Variants in RSPH14 observed in about 807,000 individuals in gnomAD.
RSPH14 encodes the protein rhabdoid tumor deletion region gene 1.
RSPH14 carries 20 observed loss-of-function variants against 26.7 expected under a neutral mutation model. The observed-to-expected ratio is 0.75, with a 90% CI of 0.53 to 1.09. RSPH14 has a LOEUF of 1.09. Ranked by LOEUF, RSPH14 falls within the 50% of genes least tolerant of loss-of-function variation. The pLI, the probability that RSPH14 is intolerant of heterozygous loss-of-function variation, is 0.00. For synonymous variants in RSPH14, 177 were observed against 189.3 expected (o/e 0.93, Z 0.53); for missense variants, 449 against 457.2 (o/e 0.98, Z 0.16).
At chr22:23,179,962 T>C in the RSPH14 span, 3 of 305,254 alleles carry the variant, frequency 9.8e-6, no homozygotes, top group Non-Finnish European at 1.8e-5. Context: ...GGGCCAGATC[T>C]GCCTGGTCTT....
upstream of RSPH14, among the ~76,000 whole-genome samples, chr22:23,143,909 G>A (rs2070651985): frequency 6.6e-6 from 1 of 151,948 alleles, no homozygotes; most frequent in South Asian, 2.1e-4. Flanking sequence ...TGGCACACAT[G>A]GCAAAACCCC....
At chr22:23,145,299 T>C, upstream of RSPH14, 1 of 1,234,696 alleles carries the variant, frequency 8.1e-7, no homozygotes, top group Non-Finnish European at 1.1e-6. Flanking sequence ...GATCTCCGGC[T>C]CTCCAGGGTG....
the RSPH14 span, chr22:23,162,956 G>T: frequency 1.9e-4 from 65 of 338,918 alleles, no homozygotes; most frequent in East Asian, 4.1e-3. Context: ...TTGTTGCCCA[G>T]GCTGGAGTGC....
rs773581427 is a variant in RSPH14 at position 23,123,205 on chromosome 22, G to A, written c.421+10821C>T. 6.8e-6 allele frequency: 11 copies of A among 1,613,700 alleles called. No individual in the cohort carries two copies. Among genetic ancestry groups the A allele is most frequent in the African/African-American group, 1.3e-5 (1 of 74,900 alleles). On this transcript the variant is annotated intron_variant, in intron 4 of 6. Coordinates refer to ENST00000216036, the MANE Select transcript of RSPH14 (RefSeq NM_014433.3). Reference sequence around the variant, plus strand: ...GACCTGCTGGCAGAGAAGATCCGCCGCATCCCGCTCACCATCTGCTTTCCC... The same window carrying A: ...GACCTGCTGGCAGAGAAGATCCGCCACATCCCGCTCACCATCTGCTTTCCC...
chr22:23,110,828 G>A (rs1278325326), intron 4 of RSPH14, among the ~76,000 whole-genome samples: 1 of 152,214 alleles, frequency 6.6e-6, no homozygotes, highest in Admixed American at 6.5e-5. Flanking sequence ...AGAGCTCAGT[G>A]TTGGGAAGGA....
At chr22:23,098,843 G>A (rs1430210779) in intron 4 of RSPH14, among the ~76,000 whole-genome samples, 1 of 152,252 alleles carries the variant, frequency 6.6e-6, no homozygotes, top group Non-Finnish European at 1.5e-5. Flanking sequence ...CGGCAGTGAG[G>A]ACAGCCCGTC....
At chr22:23,145,498 G>A (rs762084039), upstream of RSPH14, 36 of 1,606,818 alleles carry the variant, frequency 2.2e-5, 1 homozygote, top group East Asian at 2.7e-4. Context: ...GATCGCCGCC[G>A]CTGGCTCAGG....
At chr22:23,102,481 G>A (rs1371195941) in intron 4 of RSPH14, among the ~76,000 whole-genome samples, 2 of 152,234 alleles carry the variant, frequency 1.3e-5, no homozygotes, top group Non-Finnish European at 2.9e-5. Flanking sequence ...GCTTCCAAGG[G>A]TGGGGCCATT....
chr22:23,060,893 C>G (rs111826289), intron 6 of RSPH14, among the ~76,000 whole-genome samples: 7,358 of 152,190 alleles, frequency 0.048, 647 homozygotes, highest in African/African-American at 0.17. Flanking sequence ...GTCTCGAGCC[C>G]CGTGGCCCTC....
chr22:23,156,128 A>C, the RSPH14 span: 1 of 1,132,888 alleles, frequency 8.8e-7, no homozygotes, highest in Non-Finnish European at 1.3e-6. Flanking sequence ...CACAGGCACC[A>C]GTTTTTTGTC....
the RSPH14 span, among the ~76,000 whole-genome samples, chr22:23,176,324 A>G: frequency 6.6e-6 from 1 of 152,136 alleles, no homozygotes; most frequent in Non-Finnish European, 1.5e-5. Context: ...TCCTTCTAGC[A>G]CTCTCATTAT....
At chr22:23,157,104 A>G in the RSPH14 span, among the ~76,000 whole-genome samples, 1 of 152,296 alleles carries the variant, frequency 6.6e-6, no homozygotes, top group East Asian at 1.9e-4. Flanking sequence ...GGGTGCGGCC[A>G]GTGATGAGAG....
chr22:23,173,623 T>TTTTG, the RSPH14 span, among the ~76,000 whole-genome samples: 2 of 99,832 alleles, frequency 2.0e-5, no homozygotes, highest in African/African-American at 8.5e-5. Flanking sequence ...TTATTTTTGG[T>TTTTG]TTTTTGTTTT....
At chr22:23,073,698 C>T (rs2068434256) in intron 4 of RSPH14, among the ~76,000 whole-genome samples, 1 of 152,210 alleles carries the variant, frequency 6.6e-6, no homozygotes, top group African/African-American at 2.4e-5. Flanking sequence ...GACATCAGCC[C>T]TCTGGACTGA....
chr22:23,117,026 C>T (rs1037581983), intron 4 of RSPH14, among the ~76,000 whole-genome samples: 7 of 152,142 alleles, frequency 4.6e-5, no homozygotes, highest in African/African-American at 1.7e-4. Flanking sequence ...GGGATCTGTG[C>T]GCCTCAGCTC....
intron 4 of RSPH14, among the ~76,000 whole-genome samples, chr22:23,091,308 A>C (rs1248224020): frequency 6.6e-6 from 1 of 152,232 alleles, no homozygotes; most frequent in African/African-American, 2.4e-5. Flanking sequence ...GGACCTATGC[A>C]TACACGCACA....
the RSPH14 span, among the ~76,000 whole-genome samples, chr22:23,170,800 G>C: frequency 7.3e-6 from 1 of 136,474 alleles, no homozygotes; most frequent in Middle Eastern, 3.7e-3. Context: ...AACTACCTCC[G>C]AGGCACATTG....
intron 2 of RSPH14, 28 bp downstream of exon 2, chr22:23,140,194 A>G: frequency 6.2e-7 from 1 of 1,610,732 alleles, no homozygotes; most frequent in Middle Eastern, 2.0e-4. Context: ...GACCCCAGTC[A>G]TGGTCACCTG....
upstream of RSPH14, chr22:23,145,460 G>A (rs771745321): frequency 6.2e-7 from 1 of 1,609,984 alleles, no homozygotes; most frequent in East Asian, 2.2e-5. Flanking sequence ...GTAGCCCGCA[G>A]GTCCCGCGTG....
Sources: allele counts gnomAD v4.1 joint callset (sites outside exome capture counted in the v4.1 genomes callset), GRCh38; gene constraint gnomAD v4.1.1; transcripts MANE v1.5; gene names NCBI Gene and HGNC (gene_info 2026-07-23, HGNC 2026-07-21).